Variants in FHIT observed in about 807,000 individuals in gnomAD.
FHIT encodes bis(5'-adenosyl)-triphosphatase.
FHIT carries 19 observed loss-of-function variants against 17.9 expected under a neutral mutation model. That is an observed-to-expected ratio of 1.06 (90% CI 0.74 to 1.56). The LOEUF (loss-of-function observed/expected upper bound fraction) is 1.56. Among genes scored for constraint, FHIT ranks in the 40% most tolerant of loss-of-function variants. FHIT has a pLI of 0.00. For synonymous variants in FHIT, 81 were observed against 69.7 expected (o/e 1.16, Z -0.81); for missense variants, 248 against 189.2 (o/e 1.31, Z -1.82).
intron 5 of FHIT, among the ~76,000 whole-genome samples, chr3:60,097,543 C>G (rs6794069): frequency 0.63 from 95,434 of 151,798 alleles, 31,338 homozygotes; most frequent in East Asian, 0.98. Context: ...GAGACAGCAA[C>G]ACCAACCCCT....
At chr3:60,440,103 C>T (rs970359702) in intron 5 of FHIT, among the ~76,000 whole-genome samples, 3 of 152,104 alleles carry the variant, frequency 2.0e-5, no homozygotes, top group African/African-American at 7.2e-5. Flanking sequence ...GAGGTAGGCG[C>T]ATTGTCCATT....
At chr3:60,347,680 G>C (rs1486069697) in intron 5 of FHIT, among the ~76,000 whole-genome samples, 3 of 144,946 alleles carry the variant, frequency 2.1e-5, no homozygotes, top group African/African-American at 5.0e-5. Flanking sequence ...TGGTTTGGGG[G>C]GGGGGGGGGT....
At chr3:60,019,078 C>A (rs1186037144) in intron 5 of FHIT, among the ~76,000 whole-genome samples, 2 of 152,204 alleles carry the variant, frequency 1.3e-5, no homozygotes, top group Non-Finnish European at 2.9e-5. Context: ...CTCACTCATG[C>A]AACTGCTTTC....
At chr3:60,322,368 G>A (rs1006863894) in intron 5 of FHIT, among the ~76,000 whole-genome samples, 7 of 152,200 alleles carry the variant, frequency 4.6e-5, no homozygotes, top group African/African-American at 1.7e-4. Context: ...CTTACCAAGA[G>A]TCACAGGGAA....
At chr3:60,643,002 G>A (rs115242106) in intron 4 of FHIT, among the ~76,000 whole-genome samples, 113 of 152,254 alleles carry the variant, frequency 7.4e-4, no homozygotes, top group African/African-American at 2.5e-3. Context: ...TTTTGGTATG[G>A]CTGTTTGATA....
At chr3:60,592,275 T>G (rs1158879666) in intron 4 of FHIT, among the ~76,000 whole-genome samples, 1 of 148,592 alleles carries the variant, frequency 6.7e-6, no homozygotes, top group Non-Finnish European at 1.5e-5. Context: ...TCTCTATATA[T>G]ATATATATAT....
In FHIT at chr3:60,742,032, G is replaced by A. The variant is rs116920999; in HGVS notation, c.-18+79887C>T. Among the ~76,000 whole-genome samples the A allele has an allele frequency of 2.9e-4, 44 of 152,282 alleles. No homozygotes were observed. In the East Asian group the frequency reaches 3.1e-3, roughly 11 times the overall value. ...CCCAGGATATTCTGATGCATGAACC[G>A]TACTTGAAACAATAGTCAGACATTG... On this transcript the variant is annotated intron_variant, in intron 4 of 9. Coordinates refer to ENST00000492590, the MANE Select transcript of FHIT (RefSeq NM_002012.4).
At chr3:60,263,808 A>G (rs1207533084) in intron 5 of FHIT, among the ~76,000 whole-genome samples, 1 of 151,994 alleles carries the variant, frequency 6.6e-6, no homozygotes, top group Non-Finnish European at 1.5e-5. Context: ...CTAAAGAAAT[A>G]AAGTCTTTAG....
At chr3:60,599,798 C>T (rs1209274494) in intron 4 of FHIT, among the ~76,000 whole-genome samples, 1 of 151,862 alleles carries the variant, frequency 6.6e-6, no homozygotes, top group African/African-American at 2.4e-5. Context: ...TAATAATGAA[C>T]AGCTATCGTT....
chr3:60,147,825 G>C (rs199789728), intron 5 of FHIT, among the ~76,000 whole-genome samples: 5 of 152,056 alleles, frequency 3.3e-5, no homozygotes, highest in Non-Finnish European at 5.9e-5. Flanking sequence ...TGCAGTTGTC[G>C]AACGACCTCG....
At chr3:60,060,448 C>G (rs557178720) in intron 5 of FHIT, among the ~76,000 whole-genome samples, 1 of 152,280 alleles carries the variant, frequency 6.6e-6, no homozygotes, top group East Asian at 1.9e-4. Flanking sequence ...GAACTTTCTC[C>G]AAATCCTCCC....
At chr3:60,264,481 G>C (rs1451100309) in intron 5 of FHIT, among the ~76,000 whole-genome samples, 3 of 151,904 alleles carry the variant, frequency 2.0e-5, no homozygotes, top group Non-Finnish European at 2.9e-5. Flanking sequence ...GAAAAGACTT[G>C]AAAACCTCTT....
intron 5 of FHIT, among the ~76,000 whole-genome samples, chr3:60,021,561 T>A (rs1052984633): frequency 1.3e-5 from 2 of 152,124 alleles, no homozygotes; most frequent in South Asian, 2.1e-4. Context: ...GTAAATGATA[T>A]CATTAAAGGA....
intron 4 of FHIT, among the ~76,000 whole-genome samples, chr3:60,569,740 TA>T (rs2037294083): frequency 3.6e-5 from 3 of 83,474 alleles, no homozygotes; most frequent in Middle Eastern, 5.2e-3. Flanking sequence ...TATATATATA[TA>T]TATATATATA....
At chr3:60,552,639 T>C (rs2036598899) in intron 4 of FHIT, among the ~76,000 whole-genome samples, 1 of 152,194 alleles carries the variant, frequency 6.6e-6, no homozygotes, top group African/African-American at 2.4e-5. Context: ...CATTGCCAAC[T>C]TGGTAAGTAT....
intron 5 of FHIT, among the ~76,000 whole-genome samples, chr3:60,078,006 T>C (rs2107021381): frequency 6.6e-6 from 1 of 151,658 alleles, no homozygotes; most frequent in East Asian, 1.9e-4. Flanking sequence ...AAATGGGAGG[T>C]GGGGGAGAAA....
chr3:60,735,705 G>A (rs1553712418), intron 4 of FHIT, among the ~76,000 whole-genome samples: 1 of 152,114 alleles, frequency 6.6e-6, no homozygotes, highest in East Asian at 1.9e-4. Flanking sequence ...CAATCATTCT[G>A]GAGGCAAAAA....
At chr3:60,263,979 T>C (rs1275719002) in intron 5 of FHIT, among the ~76,000 whole-genome samples, 1 of 151,878 alleles carries the variant, frequency 6.6e-6, no homozygotes, top group Non-Finnish European at 1.5e-5. Context: ...TCATCTTAAA[T>C]ATTTTTCCTT....
intron 5 of FHIT, among the ~76,000 whole-genome samples, chr3:60,402,680 T>C (rs944885211): frequency 1.3e-5 from 2 of 152,286 alleles, no homozygotes; most frequent in African/African-American, 4.8e-5. Flanking sequence ...AGAAATACAA[T>C]ACCATCTGTA....
Sources: gnomAD v4.1 joint callset for allele counts (sites outside exome capture counted in the v4.1 genomes callset) on GRCh38, gnomAD v4.1.1 for gene constraint, MANE v1.5 for transcripts, NCBI Gene and HGNC (gene_info 2026-07-23, HGNC 2026-07-21) for gene names.